MAD1L1: variants seen among roughly 807,000 people sequenced by gnomAD.
MAD1L1 encodes the protein mitotic spindle assembly checkpoint protein MAD1.
In MAD1L1, 95 loss-of-function variants were observed where a neutral mutation model predicts 96.9. The ratio of observed to expected loss-of-function variants is 0.98; its 90% CI spans 0.83 to 1.16. The LOEUF (loss-of-function observed/expected upper bound fraction) is 1.16. Among genes scored for constraint, MAD1L1 ranks in the 50% most tolerant of loss-of-function variants. The pLI is 0.00. For synonymous variants in MAD1L1, 473 were observed against 396.6 expected, an observed-to-expected ratio of 1.19 and a Z score of -2.29; for missense variants, 1,007 against 954.4, an observed-to-expected ratio of 1.06 and a Z score of -0.73.
chr7:2,108,721 G>T (rs560448502), intron 11 of MAD1L1, among the ~76,000 whole-genome samples: 34 of 152,332 alleles, frequency 2.2e-4, no homozygotes, highest in African/African-American at 7.9e-4. Context: ...AAGGTCAGTA[G>T]AAACTTTCAT....
intron 11 of MAD1L1, among the ~76,000 whole-genome samples, chr7:2,073,105 G>A (rs757732718): frequency 2.0e-5 from 3 of 152,160 alleles, no homozygotes; most frequent in East Asian, 3.9e-4. Context: ...AGCCTAGGCC[G>A]CCTCGGTGAG....
intron 14 of MAD1L1, among the ~76,000 whole-genome samples, chr7:1,983,150 GCGCGCACA>G (rs768496539): frequency 0.36 from 33,046 of 92,848 alleles, 4,235 homozygotes; most frequent in Non-Finnish European, 0.5. Context: ...GCGCGCGCGC[GCGCGCACA>G]CACACACACA....
chr7:1,886,575 C>T (rs1434041006), intron 18 of MAD1L1, among the ~76,000 whole-genome samples: 1 of 152,258 alleles, frequency 6.6e-6, no homozygotes, highest in Non-Finnish European at 1.5e-5. Context: ...GCTCGCACAC[C>T]ACACTGTGTC....
chr7:1,817,531 G>C (rs1342164338), intron 18 of MAD1L1: 2 of 152,236 alleles, frequency 1.3e-5, no homozygotes, highest in African/African-American at 2.4e-5. Context: ...AACACGCCCA[G>C]CCAGTCACAG....
At chr7:2,087,298 G>A (rs1050917414) in intron 11 of MAD1L1, among the ~76,000 whole-genome samples, 14 of 152,192 alleles carry the variant, frequency 9.2e-5, no homozygotes, top group African/African-American at 3.4e-4. Flanking sequence ...CCAGCACTTC[G>A]GGAGGGTGAG....
chr7:2,082,794 C>G (rs1183665581), intron 11 of MAD1L1, among the ~76,000 whole-genome samples: 3 of 152,384 alleles, frequency 2.0e-5, no homozygotes, highest in South Asian at 2.1e-4. Context: ...AGCCCGGCGC[C>G]TGCACTCGGC....
At chr7:2,024,723 C>T (rs1265143880) in intron 12 of MAD1L1, among the ~76,000 whole-genome samples, 1 of 152,172 alleles carries the variant, frequency 6.6e-6, no homozygotes, top group African/African-American at 2.4e-5. Context: ...GTGGGCACTT[C>T]CTACAGTCAC....
intron 10 of MAD1L1, among the ~76,000 whole-genome samples, chr7:2,194,144 A>G (rs1791872273): frequency 6.6e-6 from 1 of 151,798 alleles, no homozygotes; most frequent in South Asian, 2.1e-4. Context: ...TTTTGCAGAG[A>G]TGAGGTCTCA....
At chr7:2,001,112 C>T (rs535119747) in intron 14 of MAD1L1, among the ~76,000 whole-genome samples, 192 of 152,354 alleles carry the variant, frequency 1.3e-3, no homozygotes, top group African/African-American at 4.4e-3. Flanking sequence ...GAGGAAGGCC[C>T]TGAGGCCCTG....
intron 12 of MAD1L1, among the ~76,000 whole-genome samples, chr7:2,032,043 C>T (rs755050149): frequency 5.3e-5 from 8 of 152,362 alleles, no homozygotes; most frequent in African/African-American, 1.4e-4. Flanking sequence ...TCTCCACCGA[C>T]GGGTAACAGG....
intron 12 of MAD1L1, among the ~76,000 whole-genome samples, chr7:2,033,276 C>A (rs924674763): frequency 2.0e-5 from 3 of 152,220 alleles, no homozygotes; most frequent in Non-Finnish European, 4.4e-5. Context: ...TGCGGAGCCC[C>A]AGTTTGAACC....
chr7:1,873,831 C>G (rs1785236666), intron 18 of MAD1L1, among the ~76,000 whole-genome samples: 1 of 152,166 alleles, frequency 6.6e-6, no homozygotes, highest in African/African-American at 2.4e-5. Flanking sequence ...TATCCTGCCT[C>G]CAGATGCTGA....
chr7:1,941,280 A>ACAGCCCCAGCCCC (rs1421566420), intron 16 of MAD1L1, among the ~76,000 whole-genome samples: 3 of 152,172 alleles, frequency 2.0e-5, no homozygotes, highest in Non-Finnish European at 2.9e-5. Flanking sequence ...AGCCAGAGGC[A>ACAGCCCCAGCCCC]CAGCCCCAGC....
At chr7:2,186,734 G>A (rs1403765840) in intron 10 of MAD1L1, among the ~76,000 whole-genome samples, 1 of 152,034 alleles carries the variant, frequency 6.6e-6, no homozygotes, top group African/African-American at 2.4e-5. Context: ...AGTTCACTAA[G>A]TGTGGTCTGC....
chr7:2,136,059 C>T (rs1788734414), intron 11 of MAD1L1, among the ~76,000 whole-genome samples: 2 of 152,008 alleles, frequency 1.3e-5, no homozygotes, highest in South Asian at 4.2e-4. Context: ...ATGTCCACTC[C>T]AAGCTCAATG....
At chr7:1,907,206 T>C (rs1787690273) in intron 17 of MAD1L1, among the ~76,000 whole-genome samples, 3 of 152,256 alleles carry the variant, frequency 2.0e-5, no homozygotes, top group South Asian at 4.2e-4. Context: ...GCCTTGCCCC[T>C]GTCCCACGGT....
intron 10 of MAD1L1, among the ~76,000 whole-genome samples, chr7:2,156,832 A>C (rs1246495927): frequency 6.6e-6 from 1 of 151,826 alleles, no homozygotes; most frequent in Admixed American, 6.6e-5. Context: ...AAAAAAAAAA[A>C]AAAAGAAAGA....
At chr7:1,938,977 G>A (rs73051849) in intron 16 of MAD1L1, among the ~76,000 whole-genome samples, 2,232 of 117,978 alleles carry the variant, frequency 0.019, 30 homozygotes, top group Non-Finnish European at 0.026. Flanking sequence ...GGCCAGGGCC[G>A]GGACCAGAGG....
In MAD1L1 at chr7:1,874,556, A is replaced by T. The variant is rs779590704; in HGVS notation, c.1998+23644T>A. 13 of 454,802 alleles carry T rather than the reference A, an allele frequency of 2.9e-5. No homozygotes were observed. The East Asian group carries it at 5.6e-4, about 19-fold the overall frequency. 28.2% of individuals were successfully genotyped at this position (454,802 alleles called of 1,614,324 possible). ...CTGAGTGCGGCTTCCTTAAAAAAAA[A>T]AATAAAAGCGCTGTTGAGTGGCTCT... is the stretch of plus-strand genomic sequence containing the variant. On this transcript the variant is annotated intron_variant, in intron 18 of 18. Coordinates refer to ENST00000265854, the MANE Select transcript of MAD1L1 (RefSeq NM_001013836.2).
Sources: gnomAD v4.1 joint callset for allele counts (sites outside exome capture counted in the v4.1 genomes callset) on GRCh38, gnomAD v4.1.1 for gene constraint, MANE v1.5 for transcripts, NCBI Gene and HGNC (gene_info 2026-07-23, HGNC 2026-07-21) for gene names.